Variants in TIMP2 observed in about 807,000 individuals in gnomAD.
The protein encoded by TIMP2 is TIMP metallopeptidase inhibitor 2.
A neutral mutation model predicts 24.3 loss-of-function variants in TIMP2; 5 were observed. The ratio of observed to expected loss-of-function variants is 0.21; its 90% CI spans 0.11 to 0.43. The LOEUF (loss-of-function observed/expected upper bound fraction) is 0.43, where lower values mean the gene tolerates loss of function less well. Among genes scored for constraint, TIMP2 ranks in the 20% least tolerant of loss-of-function variants. The pLI, the probability that TIMP2 is intolerant of heterozygous loss-of-function variation, is 1.00. For synonymous variants in TIMP2, 130 were observed against 123.2 expected, an observed-to-expected ratio of 1.06 and a Z score of -0.37; for missense variants, 221 against 297.5, an observed-to-expected ratio of 0.74 and a Z score of 1.89.
chr17:78,855,535 A>C lies in TIMP2; in HGVS notation c.*132T>G, dbSNP rs2069518193. ...GTCTAAAAGGAGAAGGGGGGAGCAG[A>C]ATCATATTAATTTGGACCCATGGGA... On this transcript the variant is annotated 3_prime_UTR_variant, in exon 5 of 5. Transcript: ENST00000262768. This position sits in a 1 kb window ranked among gnomAD's most constrained non-coding sequence, Gnocchi z 6.0. 1 of 1,070,286 alleles carries C rather than the reference A, an allele frequency of 9.3e-7. No individual in the cohort carries two copies. The highest frequency in any genetic ancestry group is 1.3e-6 in the Non-Finnish European group (1 of 751,342). 66.3% of individuals were successfully genotyped at this position (1,070,286 alleles called of 1,614,324 possible).
intron 1 of TIMP2, among the ~76,000 whole-genome samples, chr17:78,917,121 G>C (rs1384321016): frequency 6.6e-6 from 1 of 151,974 alleles, no homozygotes; most frequent in East Asian, 1.9e-4. Flanking sequence ...GCGTAGTGGC[G>C]GGCGCCTGTA....
intron 2 of TIMP2, among the ~76,000 whole-genome samples, chr17:78,873,247 G>C (rs2069700087): frequency 1.3e-5 from 2 of 151,276 alleles, no homozygotes; most frequent in Non-Finnish European, 2.9e-5. Context: ...AATGACAATA[G>C]CATCACCTCT....
intron 1 of TIMP2, among the ~76,000 whole-genome samples, chr17:78,887,654 G>C (rs2069836322): frequency 6.6e-6 from 1 of 151,684 alleles, no homozygotes; most frequent in South Asian, 2.1e-4. Flanking sequence ...CACAGTGCTG[G>C]GATTACAGGT....
chr17:78,854,066 G>T lies in TIMP2; in HGVS notation c.*1601C>A, dbSNP rs1432111997. 1.3e-5 allele frequency: 2 copies of T among 152,200 alleles called. No homozygotes were observed. The highest frequency in any genetic ancestry group is 2.9e-5 in the Non-Finnish European group (2 of 68,082). The allele number at this position is 152,200 out of a possible 1,614,324, so 9.4% of individuals were successfully genotyped here. ...TGACCAGGTCCCGGTGGGCATGGGGGCTGCATGCCACTTGGGGGTCAGGAG... is the reference window on the plus strand; with the variant it reads ...TGACCAGGTCCCGGTGGGCATGGGGTCTGCATGCCACTTGGGGGTCAGGAG... On this transcript the variant is annotated 3_prime_UTR_variant, in exon 5 of 5. Coordinates refer to ENST00000262768, the MANE Select transcript of TIMP2 (RefSeq NM_003255.5).
intron 1 of TIMP2, among the ~76,000 whole-genome samples, chr17:78,916,745 T>G (rs2070262100): frequency 6.6e-6 from 1 of 152,088 alleles, no homozygotes; most frequent in African/African-American, 2.4e-5. Flanking sequence ...CACTGCCAGG[T>G]CCCACTGCCG....
intron 1 of TIMP2, among the ~76,000 whole-genome samples, chr17:78,875,434 T>C (rs2145756709): frequency 6.6e-6 from 1 of 152,296 alleles, no homozygotes; most frequent in East Asian, 1.9e-4. Context: ...AACACAGGGC[T>C]TTCTCCTAGC....
intron 1 of TIMP2, among the ~76,000 whole-genome samples, chr17:78,892,756 C>T (rs2069921334): frequency 6.6e-6 from 1 of 152,128 alleles, no homozygotes; most frequent in East Asian, 1.9e-4. Flanking sequence ...GGAGGAGGTG[C>T]TCCGGGCCTG....
At chr17:78,908,243 C>T (rs534024622) in intron 1 of TIMP2, among the ~76,000 whole-genome samples, 3 of 152,172 alleles carry the variant, frequency 2.0e-5, no homozygotes, top group Non-Finnish European at 4.4e-5. Context: ...GTGTTTCTAA[C>T]GTTTCCGTAA....
At position 78,855,885 on chromosome 17, in the gene TIMP2, G is replaced by A; in HGVS notation, c.466-21C>T. The A allele has an allele frequency of 6.2e-7, 1 of 1,613,306 alleles. No individual in the cohort carries two copies. Among genetic ancestry groups the A allele is most frequent in the East Asian group, 2.2e-5 (1 of 44,866 alleles). Reference sequence around the variant, plus strand: ...GTGATCTGGGGAGGGGCACACGGAGGGGGACGGAGTCAGGGACCCAGGAAG... The same window carrying A: ...GTGATCTGGGGAGGGGCACACGGAGAGGGACGGAGTCAGGGACCCAGGAAG... On this transcript the variant is annotated intron_variant, in intron 4 of 4. Coordinates refer to ENST00000262768, the MANE Select transcript of TIMP2 (RefSeq NM_003255.5). This position sits in a 1 kb window ranked among gnomAD's most constrained non-coding sequence, Gnocchi z 6.0.
rs534135420 is a variant in TIMP2, at chr17:78,892,615, C to T, written c.131-18696G>A. Reference sequence around the variant, plus strand: ...ACCCGTGCCCACCAGGGCCCACTCTCAGCCTCCCAATTTCTGTCCTGTACA... The same window carrying T: ...ACCCGTGCCCACCAGGGCCCACTCTTAGCCTCCCAATTTCTGTCCTGTACA... On this transcript the variant is annotated intron_variant, in intron 1 of 4. Coordinates refer to ENST00000262768, the MANE Select transcript of TIMP2 (RefSeq NM_003255.5). 684 of 1,149,526 alleles carry T rather than the reference C, an allele frequency of 6.0e-4. 1 individual carries two copies. The highest frequency in any genetic ancestry group is 7.5e-4 in the Non-Finnish European group (626 of 831,638). 71.2% of individuals were successfully genotyped at this position (1,149,526 alleles called of 1,614,324 possible). A position where few individuals can be genotyped will look rare whatever the true frequency, so the allele number is the denominator to read the frequency against.
intron 1 of TIMP2, chr17:78,890,673 G>A (rs1474254494): frequency 1.3e-5 from 20 of 1,550,282 alleles, no homozygotes; most frequent in Admixed American, 7.8e-5. Context: ...AAGCATTTCC[G>A]GGCTTCTTCA....
At chr17:78,881,320 G>A (rs987763424) in intron 1 of TIMP2, among the ~76,000 whole-genome samples, 2 of 152,218 alleles carry the variant, frequency 1.3e-5, no homozygotes, top group African/African-American at 2.4e-5. Context: ...AGCGGAGAAC[G>A]CCAAGGGGTC....
At chr17:78,888,020 T>G (rs2069840207) in intron 1 of TIMP2, among the ~76,000 whole-genome samples, 1 of 152,310 alleles carries the variant, frequency 6.6e-6, no homozygotes, top group African/African-American at 2.4e-5. Flanking sequence ...AACCTAGCTT[T>G]CAAAAGACTC....
At chr17:78,870,586 G>T (rs1051755731) in intron 3 of TIMP2, among the ~76,000 whole-genome samples, 1 of 152,018 alleles carries the variant, frequency 6.6e-6, no homozygotes, top group African/African-American at 2.4e-5. Context: ...TGGCCCTCCC[G>T]ACGGCAGAAA....
chr17:78,856,882 C>G (rs2069528193), intron 4 of TIMP2: 1 of 152,368 alleles, frequency 6.6e-6, no homozygotes, highest in Non-Finnish European at 1.5e-5. Context: ...AGAAAATTCT[C>G]CATGGGACCA....
chr17:78,891,890 T>C lies in TIMP2; in HGVS notation c.131-17971A>G. ...CATCCGACCCGTGGCTTTTGTAGTC[T>C]GTGGTTTCTCTGGACTCGCTGCTGT... On this transcript the variant is annotated intron_variant, in intron 1 of 4. Coordinates refer to ENST00000262768, the MANE Select transcript of TIMP2 (RefSeq NM_003255.5). This position sits in a 1 kb window ranked among gnomAD's most constrained non-coding sequence, Gnocchi z 4.5. 6.4e-7 allele frequency: 1 copy of C among 1,550,656 alleles called. No homozygotes were observed. Among genetic ancestry groups the C allele is most frequent in the South Asian group, 1.2e-5 (1 of 84,066 alleles).
chr17:78,919,552 C>G (rs1375984737), intron 1 of TIMP2, among the ~76,000 whole-genome samples: 3 of 152,164 alleles, frequency 2.0e-5, no homozygotes, highest in Non-Finnish European at 4.4e-5. Context: ...AAAAGACCAT[C>G]TGCTGGGTGC....
At chr17:78,866,676 G>A (rs751590763) in intron 3 of TIMP2, among the ~76,000 whole-genome samples, 3 of 152,082 alleles carry the variant, frequency 2.0e-5, no homozygotes, top group Admixed American at 6.5e-5. Flanking sequence ...TAAACAAAAC[G>A]TGGTCTATCC....
intron 3 of TIMP2, among the ~76,000 whole-genome samples, chr17:78,859,533 C>T (rs753236956): frequency 3.3e-5 from 5 of 151,966 alleles, no homozygotes; most frequent in Non-Finnish European, 5.9e-5. Flanking sequence ...CGTGGTGATG[C>T]ATGCCTGTAA....
Sources: gnomAD v4.1 joint callset for allele counts (sites outside exome capture counted in the v4.1 genomes callset) on GRCh38, gnomAD v4.1.1 for gene constraint, Gnocchi (gnomAD v3.1) non-coding constraint, MANE v1.5 for transcripts, NCBI Gene and HGNC (gene_info 2026-07-23, HGNC 2026-07-21) for gene names.